CLNK: variants seen among roughly 807,000 people sequenced by gnomAD.
CLNK encodes cytokine dependent hematopoietic cell linker.
CLNK carries 74 observed loss-of-function variants against 68.6 expected under a neutral mutation model. The ratio of observed to expected loss-of-function variants is 1.08; its 90% CI spans 0.89 to 1.31. The LOEUF is 1.31. Ranked by LOEUF, CLNK falls within the 50% of genes most tolerant of loss-of-function variation. CLNK has a pLI of 0.00. For missense variants in CLNK, 553 were observed against 515.3 expected (o/e 1.07, Z -0.71); for synonymous variants, 198 against 172.2 (o/e 1.15, Z -1.17).
intron 2 of CLNK, among the ~76,000 whole-genome samples, chr4:10,643,096 T>C (rs1723372442): frequency 6.6e-6 from 1 of 152,202 alleles, no homozygotes. Flanking sequence ...GTCTTGGCTG[T>C]GTGTGACCCT....
intron 15 of CLNK, 139 bp from the exon 16 acceptor site, chr4:10,513,736 C>T (rs1401222492): frequency 5.6e-6 from 4 of 711,914 alleles, no homozygotes; most frequent in Non-Finnish European, 8.4e-6. Context: ...TCAGCTCACT[C>T]AGTGACCTTA....
the CLNK span, among the ~76,000 whole-genome samples, chr4:10,710,926 AT>A: frequency 1.3e-5 from 2 of 152,124 alleles, no homozygotes; most frequent in African/African-American, 4.8e-5. Context: ...AGAAGAGCCT[AT>A]TTGCTTTGAC....
chr4:10,562,783 T>A (rs138628431), intron 7 of CLNK, among the ~76,000 whole-genome samples: 2 of 152,328 alleles, frequency 1.3e-5, no homozygotes, highest in Non-Finnish European at 2.9e-5. Context: ...TGACCTTCCT[T>A]GTCCTGCATT....
intron 16 of CLNK, among the ~76,000 whole-genome samples, chr4:10,512,851 T>C (rs532183389): frequency 6.6e-6 from 1 of 150,804 alleles, no homozygotes; most frequent in East Asian, 1.9e-4. Context: ...CCCCCCACCA[T>C]AGGGTAATGT....
chr4:10,673,780 C>CTTG (rs2074517355), intron 1 of CLNK, among the ~76,000 whole-genome samples: 1 of 151,676 alleles, frequency 6.6e-6, no homozygotes, highest in Non-Finnish European at 1.5e-5. Context: ...GGAGGCAGGA[C>CTTG]TTGTAGGCTG....
At chr4:10,497,206 G>A (rs6819820) in intron 18 of CLNK, among the ~76,000 whole-genome samples, 61,550 of 152,012 alleles carry the variant, frequency 0.4, 12,624 homozygotes, top group Non-Finnish European at 0.43. Flanking sequence ...TTGGCTATGA[G>A]GATTCAATAG....
intron 18 of CLNK, among the ~76,000 whole-genome samples, chr4:10,498,267 G>C (rs1447988672): frequency 1.3e-5 from 2 of 152,106 alleles, no homozygotes; most frequent in African/African-American, 2.4e-5. Flanking sequence ...TGAGGCGGGC[G>C]AATCACGAGG....
intron 2 of CLNK, among the ~76,000 whole-genome samples, chr4:10,661,172 T>C (rs1415756336): frequency 1.3e-5 from 2 of 152,168 alleles, no homozygotes; most frequent in South Asian, 2.1e-4. Flanking sequence ...TTCACACATG[T>C]CATGAAGGAA....
intron 15 of CLNK, among the ~76,000 whole-genome samples, chr4:10,513,830 T>TA (rs1466242707): frequency 2.7e-5 from 4 of 147,262 alleles, no homozygotes; most frequent in African/African-American, 9.8e-5. Context: ...TTTTTTTTTT[T>TA]AAATTATTAT....
At chr4:10,613,833 T>C (rs1458198829) in intron 2 of CLNK, among the ~76,000 whole-genome samples, 1 of 152,228 alleles carries the variant, frequency 6.6e-6, no homozygotes, top group Non-Finnish European at 1.5e-5. Flanking sequence ...CCACTTTGTA[T>C]GTTTTCCCTT....
At chr4:10,627,945 G>T (rs1255994883) in intron 2 of CLNK, among the ~76,000 whole-genome samples, 4 of 150,228 alleles carry the variant, frequency 2.7e-5, no homozygotes, top group Non-Finnish European at 4.4e-5. Context: ...CCCCTGCAGG[G>T]TTCTGCTGCA....
At chr4:10,726,783 C>T in the CLNK span, among the ~76,000 whole-genome samples, 1 of 152,198 alleles carries the variant, frequency 6.6e-6, no homozygotes, top group African/African-American at 2.4e-5. Flanking sequence ...TGATAAACCA[C>T]ATGGTTTAGA....
chr4:10,566,170 C>T lies in CLNK; in HGVS notation c.151-20G>A, dbSNP rs1421162189. The stretch of plus-strand genomic sequence containing the variant: ...TCTTTCCTAAGCAGGTGGTAACATT[C>T]CAGTGAGTCAAAGGAAGGTACAATG... On this transcript the variant is annotated intron_variant, in intron 5 of 18. Coordinates refer to ENST00000226951, the MANE Select transcript of CLNK (RefSeq NM_052964.4). The T allele has an allele frequency of 1.2e-6, 2 of 1,612,282 alleles. No homozygotes were observed. The highest frequency in any genetic ancestry group is 1.7e-6 in the Non-Finnish European group (2 of 1,178,810).
At chr4:10,671,778 C>A (rs1724653132) in intron 1 of CLNK, among the ~76,000 whole-genome samples, 1 of 152,134 alleles carries the variant, frequency 6.6e-6, no homozygotes, top group South Asian at 2.1e-4. Flanking sequence ...TTATACAAAA[C>A]CAAACAAGTT....
At chr4:10,583,206 G>A (rs573470959) in intron 4 of CLNK, among the ~76,000 whole-genome samples, 2 of 152,198 alleles carry the variant, frequency 1.3e-5, no homozygotes, top group South Asian at 4.1e-4. Flanking sequence ...ATTTGTAGTG[G>A]TTCATAAGTA....
chr4:10,490,858 G>A (rs1377476490), intron 18 of CLNK, among the ~76,000 whole-genome samples: 3 of 152,086 alleles, frequency 2.0e-5, no homozygotes, highest in African/African-American at 2.4e-5. Flanking sequence ...TCCGCCTCCC[G>A]TGTTCAAGTG....
chr4:10,690,769 TG>T, the CLNK span, among the ~76,000 whole-genome samples: 1 of 152,134 alleles, frequency 6.6e-6, no homozygotes, highest in East Asian at 1.9e-4. Context: ...ACAACACTGG[TG>T]AGAGATTCAT....
intron 16 of CLNK, among the ~76,000 whole-genome samples, chr4:10,512,151 A>T (rs1412017954): frequency 6.6e-6 from 1 of 152,114 alleles, no homozygotes; most frequent in Non-Finnish European, 1.5e-5. Flanking sequence ...GTTAGAACCA[A>T]GTGATCCCCA....
intron 4 of CLNK, among the ~76,000 whole-genome samples, chr4:10,574,078 C>G (rs1325491148): frequency 1.3e-5 from 2 of 152,204 alleles, no homozygotes; most frequent in African/African-American, 4.8e-5. Flanking sequence ...CCTTTTATCT[C>G]TCAGTCTCCT....
Sources: gnomAD v4.1 joint callset for allele counts (sites outside exome capture counted in the v4.1 genomes callset) on GRCh38, gnomAD v4.1.1 for gene constraint, MANE v1.5 for transcripts, NCBI Gene and HGNC (gene_info 2026-07-23, HGNC 2026-07-21) for gene names.